Variants in URI1 observed in about 807,000 individuals in gnomAD.
The protein encoded by URI1 is URI1 prefoldin like chaperone, also known as unconventional prefoldin RPB5 interactor 1.
URI1 carries 39 observed loss-of-function variants against 60.2 expected under a neutral mutation model. That is an observed-to-expected ratio of 0.65 (90% CI 0.50 to 0.85). The LOEUF is 0.85. Among genes scored for constraint, URI1 ranks in the 40% least tolerant of loss-of-function variants. The pLI, the probability that URI1 is intolerant of heterozygous loss-of-function variation, is 0.00. For synonymous variants in URI1, 251 were observed against 236.8 expected, an observed-to-expected ratio of 1.06 and a Z score of -0.55; for missense variants, 691 against 665.9, an observed-to-expected ratio of 1.04 and a Z score of -0.42.
At chr19:29,930,136 A>G (rs557474254) in intron 1 of URI1, among the ~76,000 whole-genome samples, 12 of 152,090 alleles carry the variant, frequency 7.9e-5, no homozygotes, top group African/African-American at 2.2e-4. Context: ...ATGGGGTTTC[A>G]CCATGTTGGC....
Position 29,964,252 on chromosome 19 carries a change from G to A in URI1, c.118-6941G>A, listed in dbSNP as rs544394220. ...GTCCTCACTGCTTTGGCAGCTCTTG[G>A]GTGCCTTTAAAGAGATAATTTTTGT... On this transcript the variant is annotated intron_variant, in intron 1 of 10. Transcript: ENST00000392271. Among the ~76,000 whole-genome samples, 13 of 152,114 alleles carry A rather than the reference G, an allele frequency of 8.5e-5. No individual in the cohort carries two copies. In the South Asian group the frequency reaches 1.2e-3, roughly 15 times the overall value.
At chr19:29,927,871 G>A (rs1017440851) in intron 1 of URI1, among the ~76,000 whole-genome samples, 12 of 151,872 alleles carry the variant, frequency 7.9e-5, no homozygotes, top group African/African-American at 2.4e-4. Flanking sequence ...TACGGTGCCC[G>A]GCCTAATTCC....
intron 4 of URI1, among the ~76,000 whole-genome samples, chr19:30,003,146 T>C (rs2055898568): frequency 6.6e-6 from 1 of 152,042 alleles, no homozygotes. Flanking sequence ...TGAAACAACC[T>C]GTAGATACGA....
intron 1 of URI1, among the ~76,000 whole-genome samples, chr19:29,967,536 G>A (rs2055405314): frequency 6.6e-6 from 1 of 152,196 alleles, no homozygotes; most frequent in East Asian, 1.9e-4. Context: ...TAATGTTAGT[G>A]AATTGGTGAA....
At chr19:29,951,552 C>CTTTT (rs766190240) in intron 1 of URI1, among the ~76,000 whole-genome samples, 2 of 139,996 alleles carry the variant, frequency 1.4e-5, no homozygotes, top group South Asian at 2.3e-4. Context: ...AGCATGCATT[C>CTTTT]TTTTTTTTTT....
At chr19:30,007,732 AT>A (rs1163202371) in intron 7 of URI1, 94 bp downstream of exon 7, 6 of 1,099,426 alleles carry the variant, frequency 5.5e-6, no homozygotes, top group Non-Finnish European at 7.6e-6. Flanking sequence ...ATATGTGTTC[AT>A]TGAAGAAAAT....
intron 1 of URI1, among the ~76,000 whole-genome samples, chr19:29,954,414 T>C (rs1418884333): frequency 1.3e-5 from 2 of 152,222 alleles, no homozygotes; most frequent in Non-Finnish European, 2.9e-5. Flanking sequence ...ATGAAAACAT[T>C]TGCATGGTTC....
chr19:29,948,952 C>CT (rs1215329604), intron 1 of URI1, among the ~76,000 whole-genome samples: 1 of 149,316 alleles, frequency 6.7e-6, no homozygotes, highest in Non-Finnish European at 1.5e-5. Context: ...GACGGGACCG[C>CT]GGCCGGGCGG....
intron 3 of URI1, 29 bp from the exon 4 acceptor site, chr19:29,986,253 T>C: frequency 1.3e-6 from 2 of 1,534,832 alleles, no homozygotes; most frequent in East Asian, 2.4e-5. Flanking sequence ...TTATGTTTTT[T>C]CCCTTTTTTC....
At chr19:30,000,712 C>G (rs1489641739) in intron 4 of URI1, among the ~76,000 whole-genome samples, 1 of 151,896 alleles carries the variant, frequency 6.6e-6, no homozygotes, top group African/African-American at 2.4e-5. Context: ...CCTTATTCCC[C>G]ATGATCTGGA....
rs2054927133 is a variant in URI1 at position 29,932,212 on chromosome 19, A to G, written c.63+8458A>G. On this transcript the variant is annotated intron_variant, in intron 1 of 10. Coordinates refer to the URI1 transcript ENST00000360605. ...TCTTATATGGTCCTAATAACGTTGAAGAGGTTCGTTTCTATTCCTACTTTA... is the reference window on the plus strand; with the variant it reads ...TCTTATATGGTCCTAATAACGTTGAGGAGGTTCGTTTCTATTCCTACTTTA... Among the ~76,000 whole-genome samples, 2 of 152,052 alleles carry G rather than the reference A, an allele frequency of 1.3e-5. 1 individual carries two copies. Among genetic ancestry groups the G allele is most frequent in the South Asian group, 4.2e-4 (2 of 4,798 alleles).
In URI1 at chr19:29,942,596, G is replaced by A; in HGVS notation, c.49G>A (p.Ala17Thr). Residue 17 changes from alanine (A) to threonine (T), a missense_variant, in exon 1 of 11, where the codon GCC becomes ACC. Transcript: ENST00000392271. ...ETPPDPSPPSAPAPALVPLRA... is the reference protein window; with the variant it reads ...ETPPDPSPPSTPAPALVPLRA... ...GCCCCCCGACCCCTCGCCCCCTTCG[G>A]CCCCGGCCCCTGCCCTGGTTCCGTT... is the stretch of plus-strand genomic sequence containing the variant. The A allele has an allele frequency of 6.9e-7, 1 of 1,445,770 alleles. No homozygotes were observed. Among genetic ancestry groups the A allele is most frequent in the Non-Finnish European group, 9.1e-7 (1 of 1,103,062 alleles). The allele number at this position is 1,445,770 out of a possible 1,614,324, so 89.6% of individuals were successfully genotyped here.
At chr19:29,968,577 T>C (rs951068472) in intron 1 of URI1, among the ~76,000 whole-genome samples, 2 of 135,636 alleles carry the variant, frequency 1.5e-5, no homozygotes, top group Admixed American at 7.5e-5. Flanking sequence ...TTTTTTTTTT[T>C]TTTTTTTTTT....
At chr19:29,986,256 C>T (rs1485127866) in intron 3 of URI1, 26 bp from the exon 4 acceptor site, 12 of 1,522,220 alleles carry the variant, frequency 7.9e-6, no homozygotes, top group South Asian at 1.3e-5. Flanking sequence ...TGTTTTTTCC[C>T]TTTTTTCTTT....
At chr19:29,948,122 C>CT (rs1160334299) in intron 1 of URI1, among the ~76,000 whole-genome samples, 1 of 152,192 alleles carries the variant, frequency 6.6e-6, no homozygotes, top group African/African-American at 2.4e-5. Context: ...GTTGGCTTGT[C>CT]TGTTCTTGCA....
At chr19:29,937,415 T>C (rs976672491), upstream of URI1, among the ~76,000 whole-genome samples, 1 of 152,222 alleles carries the variant, frequency 6.6e-6, no homozygotes, top group African/African-American at 2.4e-5. Context: ...GGCTATACTT[T>C]CCTTTTTCTT....
At chr19:29,996,396 A>C (rs1385729647) in intron 4 of URI1, among the ~76,000 whole-genome samples, 1 of 152,164 alleles carries the variant, frequency 6.6e-6, no homozygotes, top group Non-Finnish European at 1.5e-5. Flanking sequence ...TTGTTAGTGC[A>C]TAGAAATGCA....
chr19:29,974,241 C>T (rs907126186), intron 2 of URI1, among the ~76,000 whole-genome samples: 2 of 151,838 alleles, frequency 1.3e-5, no homozygotes, highest in Non-Finnish European at 2.9e-5. Context: ...CCCTGCCCGG[C>T]ACTCAATAAG....
At chr19:29,969,720 T>G (rs972708258) in intron 1 of URI1, among the ~76,000 whole-genome samples, 1 of 152,214 alleles carries the variant, frequency 6.6e-6, no homozygotes, top group Non-Finnish European at 1.5e-5. Flanking sequence ...TTAATGGGGT[T>G]GTTAAATAGG....
Sources: allele counts gnomAD v4.1 joint callset (sites outside exome capture counted in the v4.1 genomes callset), GRCh38; gene constraint gnomAD v4.1.1; transcripts MANE v1.5; gene names NCBI Gene and HGNC (gene_info 2026-07-23, HGNC 2026-07-21).